Variants in KATNAL2 observed in about 807,000 individuals in gnomAD.
KATNAL2 encodes the protein katanin p60 ATPase-containing subunit A-like 2.
KATNAL2 carries 52 observed loss-of-function variants against 76.3 expected under a neutral mutation model. The ratio of observed to expected loss-of-function variants is 0.68; its 90% CI spans 0.55 to 0.86. The LOEUF is 0.86. Ranked by LOEUF, KATNAL2 falls within the 40% of genes least tolerant of loss-of-function variation. KATNAL2 has a pLI of 0.00. For missense variants in KATNAL2, 660 were observed against 668.9 expected (o/e 0.99, Z 0.15); for synonymous variants, 243 against 244.2 (o/e 1.00, Z 0.05).
At chr18:46,947,583 C>CG (rs915369389) in intron 3 of KATNAL2, among the ~76,000 whole-genome samples, 3 of 150,990 alleles carry the variant, frequency 2.0e-5, no homozygotes, top group Non-Finnish European at 3.0e-5. Flanking sequence ...AACGTGGGGG[C>CG]GGGGGGAAGG....
At chr18:46,957,403 C>T (rs569818654) in intron 3 of KATNAL2, among the ~76,000 whole-genome samples, 240 of 150,162 alleles carry the variant, frequency 1.6e-3, no homozygotes, top group African/African-American at 5.5e-3. Flanking sequence ...TACAGGCGCC[C>T]GCCACCTCAC....
intron 3 of KATNAL2, among the ~76,000 whole-genome samples, chr18:46,953,563 G>C (rs7244013): frequency 0.53 from 80,137 of 151,956 alleles, 21,402 homozygotes; most frequent in Middle Eastern, 0.57. Flanking sequence ...TGAGACCAGC[G>C]TGGGCAACAT....
chr18:47,063,113 A>G, intron 9 of KATNAL2, 43 bp downstream of exon 9: 1 of 1,542,812 alleles, frequency 6.5e-7, no homozygotes, highest in East Asian at 2.2e-5. Flanking sequence ...AATTGCCAAC[A>G]TCCAGATGAA....
chr18:47,066,894 A>G (rs1281833581), intron 10 of KATNAL2, 127 bp from the exon 11 acceptor site: 1 of 55,058 alleles, frequency 1.8e-5, no homozygotes. Flanking sequence ...TATATATATA[A>G]TATGAACAGT....
In KATNAL2 at chr18:47,044,672, A is replaced by G. The variant is rs2147046437; in HGVS notation, c.52-1785A>G. Among the ~76,000 whole-genome samples the G allele has an allele frequency of 1.3e-5, 2 of 151,896 alleles. 1 individual carries two copies. The highest frequency in any genetic ancestry group is 1.3e-4 in the Admixed American group (2 of 15,258). ...GCTACTCAGGAGGCTGAGGCAGGAG[A>G]ATTGCTTGAACCCGGGAGGCAGAGT... On this transcript the variant is annotated intron_variant, in intron 3 of 17. Coordinates refer to ENST00000683218, the MANE Select transcript of KATNAL2 (RefSeq NM_001387690.1).
chr18:47,036,415 C>G (rs866367929), intron 3 of KATNAL2, among the ~76,000 whole-genome samples: 1 of 152,170 alleles, frequency 6.6e-6, no homozygotes, highest in Non-Finnish European at 1.5e-5. Flanking sequence ...TTTGAGCATT[C>G]CCCAAAACTG....
At chr18:47,054,676 G>T (rs1700129409) in intron 6 of KATNAL2, 1 of 479,420 alleles carries the variant, frequency 2.1e-6, no homozygotes, top group African/African-American at 2.0e-5. Context: ...TGTCTTTCCA[G>T]GCCATGTGGT....
chr18:47,056,772 C>T lies in KATNAL2; in HGVS notation c.333-1463C>T, dbSNP rs2061481924. ...ATATAGAATCCCTGTTTCCTGCCAGCTCCACAAGGATGGTGAGGCAAGTTT... is the reference window on the plus strand; with the variant it reads ...ATATAGAATCCCTGTTTCCTGCCAGTTCCACAAGGATGGTGAGGCAAGTTT... On this transcript the variant is annotated intron_variant, in intron 6 of 17. Coordinates refer to ENST00000683218, the MANE Select transcript of KATNAL2 (RefSeq NM_001387690.1). Among the ~76,000 whole-genome samples, 7 of 152,124 alleles carry T rather than the reference C, an allele frequency of 4.6e-5. No individual in the cohort carries two copies. In the South Asian group the frequency reaches 1.5e-3, roughly 32 times the overall value.
At chr18:47,087,976 C>T (rs1213879243) in intron 15 of KATNAL2, among the ~76,000 whole-genome samples, 1 of 152,110 alleles carries the variant, frequency 6.6e-6, no homozygotes, top group East Asian at 1.9e-4. Context: ...CGTTTTTAAT[C>T]TGGTGCCAGC....
chr18:47,099,307 GAGGCCAGGC>G lies in KATNAL2; in HGVS notation c.1283_1291del (p.Arg428_Ala430del), dbSNP rs1347830478. The G allele has an allele frequency of 6.2e-7, 1 of 1,614,154 alleles. No individual in the cohort carries two copies. Among genetic ancestry groups the G allele is most frequent in the Admixed American group, 1.7e-5 (1 of 60,022 alleles). ...GATTCTGGTCGATCTCCCCAGCCGG[GAGGCCAGGC>G]AGGCCATGATCTACCACTGGCTGCC... On this transcript the variant is annotated inframe_deletion, in exon 16 of 18. Transcript: ENST00000683218.
At chr18:47,042,367 G>T (rs2060993204) in intron 3 of KATNAL2, among the ~76,000 whole-genome samples, 2 of 152,206 alleles carry the variant, frequency 1.3e-5, no homozygotes, top group South Asian at 4.2e-4. Context: ...CTTATTTGTT[G>T]TGTTTTCTAG....
At chr18:47,055,918 T>G (rs2061458841) in intron 6 of KATNAL2, among the ~76,000 whole-genome samples, 1 of 152,208 alleles carries the variant, frequency 6.6e-6, no homozygotes, top group African/African-American at 2.4e-5. Context: ...AAAAGTTGAA[T>G]AGCAAATGGT....
At chr18:46,947,947 T>C (rs1038418139) in intron 3 of KATNAL2, among the ~76,000 whole-genome samples, 4 of 152,156 alleles carry the variant, frequency 2.6e-5, no homozygotes, top group African/African-American at 9.7e-5. Flanking sequence ...CAGAATCTTT[T>C]GGGTTACCCT....
chr18:47,039,719 T>C (rs1388592222), intron 3 of KATNAL2, among the ~76,000 whole-genome samples: 2 of 152,228 alleles, frequency 1.3e-5, no homozygotes, highest in South Asian at 2.1e-4. Context: ...CACAAGTACA[T>C]GTTTCAATTA....
chr18:47,057,005 C>T (rs1201101308), intron 6 of KATNAL2, among the ~76,000 whole-genome samples: 1 of 151,822 alleles, frequency 6.6e-6, no homozygotes, highest in Non-Finnish European at 1.5e-5. Context: ...AAAAAAAAAC[C>T]CCAAGAACTG....
intron 4 of KATNAL2, among the ~76,000 whole-genome samples, chr18:47,051,723 G>C (rs548833743): frequency 1.8e-4 from 28 of 152,228 alleles, no homozygotes; most frequent in Admixed American, 3.9e-4. Context: ...GCTTAGGAGA[G>C]ATACATACAT....
intron 1 of KATNAL2, among the ~76,000 whole-genome samples, chr18:46,924,167 T>C (rs2058659946): frequency 6.6e-6 from 1 of 152,210 alleles, no homozygotes; most frequent in Non-Finnish European, 1.5e-5. Context: ...ATGTCCTGAA[T>C]GGTATTGCCT....
chr18:46,933,014 CGGCCT>C (rs2058980440), intron 1 of KATNAL2, among the ~76,000 whole-genome samples: 1 of 152,090 alleles, frequency 6.6e-6, no homozygotes, highest in Non-Finnish European at 1.5e-5. Context: ...CCGCCCTCCT[CGGCCT>C]CCAAAAGTGC....
rs188378765 is a variant in KATNAL2, at chr18:46,925,576, G to T, written c.-510+7650G>T. 4.4e-3 allele frequency among the ~76,000 whole-genome samples: 663 copies of T among 152,238 alleles called. 3 individuals are homozygous for T. The highest frequency in any genetic ancestry group is 0.016 in the African/African-American group (647 of 41,562). ...GGTTGTGTCTCTGCCAGGCTTTGGT[G>T]TCAGGATGATGCTGGCCTCATAAAA... On this transcript the variant is annotated intron_variant, in intron 1 of 17. Transcript: ENST00000683218.
Sources: gnomAD v4.1 joint callset for allele counts (sites outside exome capture counted in the v4.1 genomes callset) on GRCh38, gnomAD v4.1.1 for gene constraint, MANE v1.5 for transcripts, NCBI Gene and HGNC (gene_info 2026-07-23, HGNC 2026-07-21) for gene names.